SHISA9: variants seen among roughly 807,000 people sequenced by gnomAD.
SHISA9 encodes shisa family member 9.
SHISA9 carries 13 observed loss-of-function variants against 38.0 expected under a neutral mutation model. That is an observed-to-expected ratio of 0.34 (90% CI 0.22 to 0.54). SHISA9 has a LOEUF of 0.54. SHISA9 is among the 20% of genes least tolerant of loss of function. The probability of loss-of-function intolerance (pLI) is 0.91; values close to 1 mark genes in which losing one functional copy is unlikely to be tolerated. For synonymous variants in SHISA9, 275 were observed against 242.0 expected, an observed-to-expected ratio of 1.14 and a Z score of -1.27; for missense variants, 538 against 575.8, an observed-to-expected ratio of 0.93 and a Z score of 0.67.
chr16:13,055,635 G>A (rs989630318), intron 2 of SHISA9, among the ~76,000 whole-genome samples: 1 of 152,088 alleles, frequency 6.6e-6, no homozygotes, highest in Non-Finnish European at 1.5e-5. Flanking sequence ...TGAATTACAA[G>A]AGCTGAGCAG....
intron 2 of SHISA9, among the ~76,000 whole-genome samples, chr16:13,044,030 T>A (rs1422818017): frequency 6.6e-6 from 1 of 152,206 alleles, no homozygotes; most frequent in Admixed American, 6.5e-5. Flanking sequence ...ACTTAGCCTG[T>A]TTGTGGTCCC....
chr16:13,240,871 A>C (rs1450004239), downstream of SHISA9, among the ~76,000 whole-genome samples: 1 of 152,038 alleles, frequency 6.6e-6, no homozygotes, highest in Non-Finnish European at 1.5e-5. Flanking sequence ...TTTCAGGTAG[A>C]AACCTGTCTG....
the SHISA9 span, chr16:13,332,097 A>T: frequency 6.6e-6 from 1 of 152,318 alleles, no homozygotes; most frequent in East Asian, 1.9e-4. Flanking sequence ...TGACACAGGA[A>T]AAAAACACAA....
chr16:13,463,470 T>G, the SHISA9 span, among the ~76,000 whole-genome samples: 3 of 151,960 alleles, frequency 2.0e-5, no homozygotes, highest in African/African-American at 7.2e-5. Context: ...CTCTGAAGAG[T>G]TGCTCGGGAG....
At chr16:13,268,525 A>C in the SHISA9 span, among the ~76,000 whole-genome samples, 1 of 152,078 alleles carries the variant, frequency 6.6e-6, no homozygotes, top group African/African-American at 2.4e-5. Context: ...ACAAACAAAC[A>C]AACAAAAATG....
intron 2 of SHISA9, among the ~76,000 whole-genome samples, chr16:13,085,583 G>T (rs115616492): frequency 0.019 from 2,905 of 152,280 alleles, 81 homozygotes; most frequent in African/African-American, 0.065. Context: ...CCTGCCCAGG[G>T]TTCAAGGCTG....
chr16:13,345,910 G>A, the SHISA9 span, among the ~76,000 whole-genome samples: 1 of 151,914 alleles, frequency 6.6e-6, no homozygotes, highest in Admixed American at 6.6e-5. Context: ...TTTTGAAAAA[G>A]TTTCATTCAG....
intron 2 of SHISA9, among the ~76,000 whole-genome samples, chr16:13,094,615 C>T (rs2073808028): frequency 6.6e-6 from 1 of 152,148 alleles, no homozygotes; most frequent in Non-Finnish European, 1.5e-5. Context: ...CATACTGTTT[C>T]TTCTATTAAA....
At chr16:12,949,869 C>A (rs1443811275) in intron 2 of SHISA9, among the ~76,000 whole-genome samples, 1 of 152,050 alleles carries the variant, frequency 6.6e-6, no homozygotes, top group Non-Finnish European at 1.5e-5. Context: ...TGTGTTGGGA[C>A]CATTCCAAAT....
the SHISA9 span, among the ~76,000 whole-genome samples, chr16:13,260,007 CTT>C: frequency 0.015 from 886 of 60,348 alleles, 1 homozygote; most frequent in African/African-American, 0.056. Flanking sequence ...TTCTTTCTTT[CTT>C]TTTTTTTTTT....
chr16:12,916,080 T>C (rs2071252973), intron 1 of SHISA9, among the ~76,000 whole-genome samples: 1 of 149,542 alleles, frequency 6.7e-6, no homozygotes, highest in African/African-American at 2.5e-5. Context: ...TTGAATTGTG[T>C]CTCCATCCCC....
At chr16:13,331,583 A>G in the SHISA9 span, 187 of 152,294 alleles carry the variant, frequency 1.2e-3, 1 homozygote, top group African/African-American at 3.9e-3. Flanking sequence ...AGAAGAATGC[A>G]TATATTTCAG....
intron 2 of SHISA9, among the ~76,000 whole-genome samples, chr16:13,014,760 C>G (rs1032447146): frequency 2.0e-5 from 3 of 152,234 alleles, no homozygotes; most frequent in Non-Finnish European, 4.4e-5. Flanking sequence ...CCTCTTCCCC[C>G]ATACAAATGC....
chr16:13,063,716 A>G (rs1243961524), intron 2 of SHISA9, among the ~76,000 whole-genome samples: 6 of 152,186 alleles, frequency 3.9e-5, no homozygotes, highest in Admixed American at 6.5e-5. Context: ...TACTGCAAAG[A>G]CTATAACAGA....
At chr16:13,121,848 C>G (rs1014780801) in intron 2 of SHISA9, among the ~76,000 whole-genome samples, 3 of 140,044 alleles carry the variant, frequency 2.1e-5, no homozygotes, top group Non-Finnish European at 4.5e-5. Flanking sequence ...CACACACACA[C>G]ACACACACAC....
intron 2 of SHISA9, among the ~76,000 whole-genome samples, chr16:13,044,970 T>C (rs150299198): frequency 7.2e-4 from 109 of 152,358 alleles, no homozygotes; most frequent in African/African-American, 2.5e-3. Flanking sequence ...GGTGCAGATG[T>C]TAACCACATG....
At chr16:13,106,147 C>G (rs2073923503) in intron 2 of SHISA9, among the ~76,000 whole-genome samples, 1 of 152,282 alleles carries the variant, frequency 6.6e-6, no homozygotes, top group Non-Finnish European at 1.5e-5. Context: ...TAGAACCCAG[C>G]TTTTAATGAT....
intron 2 of SHISA9, among the ~76,000 whole-genome samples, chr16:12,968,334 C>A (rs1457340383): frequency 6.6e-6 from 1 of 150,432 alleles, no homozygotes; most frequent in Non-Finnish European, 1.5e-5. Context: ...AATGTGTAGA[C>A]TAGTATGAGA....
intron 2 of SHISA9, among the ~76,000 whole-genome samples, chr16:12,981,475 C>T (rs988648130): frequency 1.3e-5 from 2 of 152,174 alleles, no homozygotes; most frequent in African/African-American, 2.4e-5. Context: ...AGCCATCCCC[C>T]GCATCCCAGT....
Sources: allele counts gnomAD v4.1 joint callset (sites outside exome capture counted in the v4.1 genomes callset), GRCh38; gene constraint gnomAD v4.1.1; transcripts MANE v1.5; gene names NCBI Gene and HGNC (gene_info 2026-07-23, HGNC 2026-07-21).